Variants in GATAD2A observed in about 807,000 individuals in gnomAD.
GATAD2A encodes transcriptional repressor p66-alpha.
Under a neutral mutation model 68.5 loss-of-function variants are expected in GATAD2A, and 12 were observed. That is an observed-to-expected ratio of 0.18 (90% CI 0.11 to 0.28). GATAD2A has a LOEUF of 0.28. GATAD2A is among the 10% of genes least tolerant of loss of function. The pLI, the probability that GATAD2A is intolerant of heterozygous loss-of-function variation, is 1.00. For missense variants in GATAD2A, 755 were observed against 868.5 expected (o/e 0.87, Z 1.64); for synonymous variants, 410 against 375.3 (o/e 1.09, Z -1.07).
chr19:19,499,249 G>A lies in GATAD2A; in HGVS notation c.1204+527G>A, dbSNP rs188895751. On this transcript the variant is annotated intron_variant, in intron 8 of 11. Coordinates refer to ENST00000683918, the MANE Select transcript of GATAD2A (RefSeq NM_001384528.1). Reference sequence around the variant, plus strand: ...CATCTACGGGGTGATCACAGCATTGGAGACGGCTGGGCGGGTGGATCTGAG... The same window carrying A: ...CATCTACGGGGTGATCACAGCATTGAAGACGGCTGGGCGGGTGGATCTGAG... Among the ~76,000 whole-genome samples the A allele has an allele frequency of 1.1e-4, 16 of 152,356 alleles. No individual in the cohort carries two copies. In the East Asian group the frequency reaches 3.1e-3, roughly 29 times the overall value.
chr19:19,460,513 G>A (rs567431464), intron 1 of GATAD2A, among the ~76,000 whole-genome samples: 1 of 152,152 alleles, frequency 6.6e-6, no homozygotes, highest in Admixed American at 6.5e-5. Flanking sequence ...GCCCTGAGGT[G>A]CCCTGTGCCT....
At chr19:19,415,916 G>A (rs538609071) in intron 1 of GATAD2A, among the ~76,000 whole-genome samples, 19 of 151,748 alleles carry the variant, frequency 1.3e-4, no homozygotes, top group Admixed American at 7.2e-4. Flanking sequence ...ACGCCCGGCC[G>A]ACTTTACATT....
chr19:19,398,594 A>G (rs927184714), intron 1 of GATAD2A, among the ~76,000 whole-genome samples: 11 of 151,484 alleles, frequency 7.3e-5, no homozygotes, highest in African/African-American at 2.4e-4. Context: ...TGGCCTCCCA[A>G]AGTGCTGGGA....
In GATAD2A at chr19:19,508,584, G is replaced by A. The variant is rs1177403557; in HGVS notation, c.*3110G>A. 1 of 152,198 alleles carries A rather than the reference G, an allele frequency of 6.6e-6. No homozygotes were observed. Among genetic ancestry groups the A allele is most frequent in the Non-Finnish European group, 1.5e-5 (1 of 68,040 alleles). The allele number at this position is 152,198 out of a possible 1,614,324, so 9.4% of individuals were successfully genotyped here. ...TCTCATCACAGAAGGGATGATCCTTGCTGCTCTGCCGTAGGGTTTTTGATG... is the reference window on the plus strand; with the variant it reads ...TCTCATCACAGAAGGGATGATCCTTACTGCTCTGCCGTAGGGTTTTTGATG... On this transcript the variant is annotated 3_prime_UTR_variant, in exon 12 of 12. Transcript: ENST00000683918.
At chr19:19,448,885 G>T (rs983972853) in intron 1 of GATAD2A, among the ~76,000 whole-genome samples, 1 of 152,168 alleles carries the variant, frequency 6.6e-6, no homozygotes, top group Non-Finnish European at 1.5e-5. Context: ...GTGAAGACAG[G>T]CTTTCATCTC....
chr19:19,436,558 T>C (rs1198265473), intron 1 of GATAD2A, among the ~76,000 whole-genome samples: 1 of 152,208 alleles, frequency 6.6e-6, no homozygotes, highest in Non-Finnish European at 1.5e-5. Context: ...TTCCCAGCAG[T>C]GATAGATGCC....
chr19:19,475,495 C>G (rs2058618793), intron 2 of GATAD2A, among the ~76,000 whole-genome samples: 2 of 150,922 alleles, frequency 1.3e-5, no homozygotes, highest in Non-Finnish European at 3.0e-5. Context: ...CCCCCCCCTC[C>G]ACTGCCCCAG....
upstream of GATAD2A, chr19:19,401,989 G>T (rs539363359): frequency 1.1e-4 from 17 of 152,150 alleles, no homozygotes; most frequent in Non-Finnish European, 2.1e-4. Flanking sequence ...GGTAGAAGGA[G>T]GCCTAGCTAT....
intron 1 of GATAD2A, among the ~76,000 whole-genome samples, chr19:19,395,488 C>T (rs2049161848): frequency 1.3e-5 from 2 of 152,056 alleles, no homozygotes; most frequent in Admixed American, 6.6e-5. Flanking sequence ...TTCAAGTTAC[C>T]CCTTTTCCTT....
At chr19:19,489,937 G>A (rs1000560108) in intron 2 of GATAD2A, among the ~76,000 whole-genome samples, 9 of 152,208 alleles carry the variant, frequency 5.9e-5, no homozygotes, top group African/African-American at 9.7e-5. Flanking sequence ...GTGTGTACAC[G>A]TCCAGGGAAC....
chr19:19,396,127 C>T (rs2049224967), intron 1 of GATAD2A, among the ~76,000 whole-genome samples: 1 of 152,064 alleles, frequency 6.6e-6, no homozygotes, highest in Non-Finnish European at 1.5e-5. Context: ...TTGAGACCAG[C>T]CTGGCCAACA....
rs1460862834 is a variant in GATAD2A, at chr19:19,405,752, C to G, written c.-274C>G. The stretch of plus-strand genomic sequence containing the variant: ...GGTGTTTTGGGGGCCGCGGGCCGGG[C>G]GCGCTGACCTGGTGCGCATGTCCCG... On this transcript the variant is annotated 5_prime_UTR_variant, in exon 1 of 12. Coordinates refer to ENST00000683918, the MANE Select transcript of GATAD2A (RefSeq NM_001384528.1). The G allele has an allele frequency of 6.6e-6, 1 of 151,344 alleles. No homozygotes were observed. Among genetic ancestry groups the G allele is most frequent in the Non-Finnish European group, 1.5e-5 (1 of 67,794 alleles). 9.4% of individuals were successfully genotyped at this position (151,344 alleles called of 1,614,324 possible). A position where few individuals can be genotyped will look rare whatever the true frequency, so the allele number is the denominator to read the frequency against.
rs972507681 is a variant in GATAD2A at position 19,508,176 on chromosome 19, C to T, written c.*2702C>T. On this transcript the variant is annotated 3_prime_UTR_variant, in exon 12 of 12. Transcript: ENST00000683918. ...CCTCCAACAGCACCTGGAAACGGTT[C>T]CCTCTGTCAGCTGCTCTGTAGACAG... 6.6e-6 allele frequency: 1 copy of T among 152,234 alleles called. No individual in the cohort carries two copies. The highest frequency in any genetic ancestry group is 1.5e-5 in the Non-Finnish European group (1 of 68,062). The allele number at this position is 152,234 out of a possible 1,614,324, so 9.4% of individuals were successfully genotyped here.
chr19:19,479,540 G>C (rs1458429552), intron 2 of GATAD2A, among the ~76,000 whole-genome samples: 1 of 152,164 alleles, frequency 6.6e-6, no homozygotes, highest in Non-Finnish European at 1.5e-5. Context: ...GGGTTACCTT[G>C]TCAGTTTTGA....
At chr19:19,452,914 C>G (rs1874823168) in intron 1 of GATAD2A, among the ~76,000 whole-genome samples, 2 of 152,266 alleles carry the variant, frequency 1.3e-5, no homozygotes, top group South Asian at 4.1e-4. Context: ...CCCCTCAAAA[C>G]CAGGTAATGT....
chr19:19,500,760 T>G (rs747890975), intron 8 of GATAD2A, among the ~76,000 whole-genome samples: 63 of 152,200 alleles, frequency 4.1e-4, no homozygotes, highest in Non-Finnish European at 8.7e-4. Context: ...GGGTTCCCCG[T>G]CCTAAGAATG....
At chr19:19,438,579 A>G (rs2054629404) in intron 1 of GATAD2A, among the ~76,000 whole-genome samples, 1 of 152,202 alleles carries the variant, frequency 6.6e-6, no homozygotes. Flanking sequence ...TTCTTAACTC[A>G]GAAGCACATG....
At chr19:19,483,047 G>A (rs2059163658) in intron 2 of GATAD2A, among the ~76,000 whole-genome samples, 1 of 152,152 alleles carries the variant, frequency 6.6e-6, no homozygotes, top group Non-Finnish European at 1.5e-5. Flanking sequence ...TTCAGGGGCT[G>A]TTGCGTTCCT....
chr19:19,464,006 G>C (rs2057676126), intron 1 of GATAD2A, among the ~76,000 whole-genome samples: 1 of 152,246 alleles, frequency 6.6e-6, no homozygotes, highest in Non-Finnish European at 1.5e-5. Flanking sequence ...CAGCTCTGGA[G>C]TGCGTCCCAT....
Sources: allele counts gnomAD v4.1 joint callset (sites outside exome capture counted in the v4.1 genomes callset), GRCh38; gene constraint gnomAD v4.1.1; transcripts MANE v1.5; gene names NCBI Gene and HGNC (gene_info 2026-07-23, HGNC 2026-07-21).